Variants in TESK2 observed in about 807,000 individuals in gnomAD.
TESK2 encodes dual specificity testis-specific protein kinase 2.
A neutral mutation model predicts 57.1 loss-of-function variants in TESK2; 39 were observed. The observed-to-expected ratio is 0.68, with a 90% CI of 0.53 to 0.89. The LOEUF (loss-of-function observed/expected upper bound fraction) is 0.89, where lower values mean the gene tolerates loss of function less well. Ranked by LOEUF, TESK2 falls within the 40% of genes least tolerant of loss-of-function variation. The probability of loss-of-function intolerance (pLI) is 0.00; values close to 1 mark genes in which losing one functional copy is unlikely to be tolerated. For synonymous variants in TESK2, 249 were observed against 267.9 expected, an observed-to-expected ratio of 0.93 and a Z score of 0.69; for missense variants, 646 against 732.1, an observed-to-expected ratio of 0.88 and a Z score of 1.36.
At chr1:45,476,157 C>T (rs1652981475) in intron 1 of TESK2, among the ~76,000 whole-genome samples, 1 of 152,098 alleles carries the variant, frequency 6.6e-6, no homozygotes, top group Non-Finnish European at 1.5e-5. Flanking sequence ...CTGACTAATA[C>T]AGTAACAGAA....
chr1:45,429,387 C>T (rs1332594155), intron 2 of TESK2, among the ~76,000 whole-genome samples: 1 of 151,948 alleles, frequency 6.6e-6, no homozygotes, highest in Admixed American at 6.6e-5. Flanking sequence ...CAGAGCGCAA[C>T]TCCATCTAAA....
chr1:45,384,610 T>A (rs867282090), intron 4 of TESK2, among the ~76,000 whole-genome samples: 42 of 123,618 alleles, frequency 3.4e-4, no homozygotes, highest in East Asian at 1.1e-3. Context: ...TTTTTTTTTT[T>A]TTTTTTTTTT....
rs950975716 is a variant in TESK2 at position 45,344,510 on chromosome 1, G to A, written c.*330C>T. The A allele has an allele frequency of 3.3e-5, 9 of 271,680 alleles. No homozygotes were observed. The highest frequency in any genetic ancestry group is 1.3e-4 in the African/African-American group (6 of 45,240). 16.8% of individuals were successfully genotyped at this position (271,680 alleles called of 1,614,324 possible). A position where few individuals can be genotyped will look rare whatever the true frequency, so the allele number is the denominator to read the frequency against. The stretch of plus-strand genomic sequence containing the variant: ...ACAGACCTGGGGTGGGGAAAGAACC[G>A]GGGTAATAGCTGCCTGCCAGCTCAG... On this transcript the variant is annotated 3_prime_UTR_variant, in exon 11 of 11. Transcript: ENST00000372086.
intron 2 of TESK2, among the ~76,000 whole-genome samples, chr1:45,435,378 C>T (rs1022247175): frequency 1.3e-5 from 2 of 151,954 alleles, no homozygotes; most frequent in Admixed American, 1.3e-4. Context: ...ATCTGCCTGG[C>T]TTGGCCTCCC....
At chr1:45,380,092 G>C (rs978791886) in intron 4 of TESK2, among the ~76,000 whole-genome samples, 17 of 152,044 alleles carry the variant, frequency 1.1e-4, no homozygotes, top group Admixed American at 3.3e-4. Flanking sequence ...TAGAGACGGA[G>C]TTTCACCATG....
intron 1 of TESK2, among the ~76,000 whole-genome samples, chr1:45,462,713 G>A (rs1014562956): frequency 1.4e-4 from 21 of 152,282 alleles, no homozygotes; most frequent in African/African-American, 4.8e-4. Context: ...GAGTGCAAAC[G>A]TCTCTTCGCT....
chr1:45,473,942 C>T (rs1652873070), intron 1 of TESK2, among the ~76,000 whole-genome samples: 1 of 152,180 alleles, frequency 6.6e-6, no homozygotes, highest in Non-Finnish European at 1.5e-5. Context: ...GGATTACAGG[C>T]ATGAGCCATC....
In TESK2 at chr1:45,347,035, G is replaced by T. The variant is rs1647153237; in HGVS notation, c.736C>A (p.Leu246Ile). 1.2e-6 allele frequency: 2 copies of T among 1,614,080 alleles called. No individual in the cohort carries two copies. Among genetic ancestry groups the T allele is most frequent in the Admixed American group, 1.7e-5 (1 of 60,004 alleles). The change falls in exon 8 of 11, where the codon CTC becomes ATC. Residue 246 changes from leucine to isoleucine, a missense_variant. Leu to Ile is a conservative substitution (Grantham distance 5). Coordinates refer to ENST00000372086, the MANE Select transcript of TESK2 (RefSeq NM_007170.3). Reference sequence around the variant, plus strand: ...TGGATGCGGGCGATGATCTCGCAGAGGATGATACCATAAGAGAACACATCT... The same window carrying T: ...TGGATGCGGGCGATGATCTCGCAGATGATGATACCATAAGAGAACACATCT... ...KADVFSYGII[L>I]CEIIARIQAD...
intron 4 of TESK2, among the ~76,000 whole-genome samples, chr1:45,384,593 A>ATTTTTTTTTTATTTTT (rs1648803081): frequency 5.6e-5 from 4 of 70,856 alleles, no homozygotes; most frequent in Non-Finnish European, 8.1e-5. Context: ...CTAATTATTA[A>ATTTTTTTTTTATTTTT]TTTTTTTTTT....
intron 2 of TESK2, among the ~76,000 whole-genome samples, chr1:45,435,621 TTC>T (rs1651172263): frequency 7.8e-6 from 1 of 128,522 alleles, no homozygotes; most frequent in Non-Finnish European, 1.7e-5. Flanking sequence ...TTGCTCAGTA[TTC>T]TTTTTTTTTT....
chr1:45,401,957 T>C (rs933365055), intron 3 of TESK2, among the ~76,000 whole-genome samples: 2 of 151,938 alleles, frequency 1.3e-5, no homozygotes, highest in African/African-American at 2.4e-5. Context: ...CTAAAGGTTA[T>C]GGTAACAACA....
intron 1 of TESK2, among the ~76,000 whole-genome samples, chr1:45,485,897 T>TA (rs34790216): frequency 0.44 from 65,690 of 149,258 alleles, 14,367 homozygotes; most frequent in East Asian, 0.57. Context: ...AAATGTATCT[T>TA]AAAAAAAAAA....
chr1:45,377,110 A>AT (rs1648460614), intron 4 of TESK2, among the ~76,000 whole-genome samples: 2 of 152,138 alleles, frequency 1.3e-5, no homozygotes, highest in African/African-American at 2.4e-5. Context: ...GTTCCAGCTA[A>AT]TGGGGAGGCT....
chr1:45,483,782 A>G (rs1416554054), intron 1 of TESK2, among the ~76,000 whole-genome samples: 1 of 150,524 alleles, frequency 6.6e-6, no homozygotes, highest in Non-Finnish European at 1.5e-5. Flanking sequence ...AGGAGTGTTG[A>G]TGCCCAGGAG....
chr1:45,431,669 G>C (rs758928097), intron 2 of TESK2, among the ~76,000 whole-genome samples: 17 of 152,094 alleles, frequency 1.1e-4, no homozygotes, highest in Non-Finnish European at 2.2e-4. Flanking sequence ...ACCTTTTACT[G>C]GCCACCAGTA....
chr1:45,401,025 TA>T (rs376070354), intron 3 of TESK2, among the ~76,000 whole-genome samples: 146 of 124,162 alleles, frequency 1.2e-3, no homozygotes, highest in South Asian at 5.1e-3. Context: ...GACTCTGTCT[TA>T]AAAAAAAAAA....
At chr1:45,470,071 A>G (rs1652702350) in intron 1 of TESK2, among the ~76,000 whole-genome samples, 1 of 152,234 alleles carries the variant, frequency 6.6e-6, no homozygotes, top group Non-Finnish European at 1.5e-5. Context: ...CTGAGAATTC[A>G]GTGGACTTTC....
Position 45,469,156 on chromosome 1 carries a change from A to G in TESK2, c.-86-11285T>C, listed in dbSNP as rs547618775. On this transcript the variant is annotated intron_variant, in intron 1 of 10. Coordinates refer to ENST00000372086, the MANE Select transcript of TESK2 (RefSeq NM_007170.3). Reference sequence around the variant, plus strand: ...AGCTTTGATTGGGGAAAGTAATTTGAAAAGCTACCAATTAAAAAAAAGTTA... The same window carrying G: ...AGCTTTGATTGGGGAAAGTAATTTGGAAAGCTACCAATTAAAAAAAAGTTA... 6.6e-5 allele frequency among the ~76,000 whole-genome samples: 10 copies of G among 152,306 alleles called. No individual in the cohort carries two copies. In the South Asian group the frequency reaches 2.1e-3, roughly 32 times the overall value.
chr1:45,483,559 T>C (rs1276241366), intron 1 of TESK2, among the ~76,000 whole-genome samples: 1 of 148,040 alleles, frequency 6.8e-6, no homozygotes, highest in Admixed American at 6.8e-5. Flanking sequence ...GCCATTGCAC[T>C]ACAGCCTGGG....
Sources: gnomAD v4.1 joint callset for allele counts (sites outside exome capture counted in the v4.1 genomes callset) on GRCh38, gnomAD v4.1.1 for gene constraint, MANE v1.5 for transcripts, NCBI Gene and HGNC (gene_info 2026-07-23, HGNC 2026-07-21) for gene names.